CSMD1: variants seen among roughly 807,000 people sequenced by gnomAD.
The protein encoded by CSMD1 is CUB and Sushi multiple domains 1, also known as CUB and sushi domain-containing protein 1.
CSMD1 carries 213 observed loss-of-function variants against 417.5 expected under a neutral mutation model. The observed-to-expected ratio is 0.51, with a 90% CI of 0.46 to 0.57. The LOEUF (loss-of-function observed/expected upper bound fraction) is 0.57, where lower values mean the gene tolerates loss of function less well. Ranked by LOEUF, CSMD1 falls within the 20% of genes least tolerant of loss-of-function variation. The pLI, the probability that CSMD1 is intolerant of heterozygous loss-of-function variation, is 0.00. For missense variants in CSMD1, 6,923 were observed against 4,529.7 expected (o/e 1.53, Z -15.17); for synonymous variants, 2,862 against 1,736.8 (o/e 1.65, Z -16.11).
rs190230433 is a variant in CSMD1, at chr8:3,517,304, G to C, written c.1345-23578C>G. ...AGAGAACAAAAGATGGAAAGAAGAG[G>C]GCTGGCAGAGAACAGGCAATCCAAG... On this transcript the variant is annotated intron_variant, in intron 10 of 69. Coordinates refer to ENST00000635120, the MANE Select transcript of CSMD1 (RefSeq NM_033225.6). 4.1e-3 allele frequency among the ~76,000 whole-genome samples: 618 copies of C among 152,254 alleles called. 4 individuals carry two copies. Among genetic ancestry groups the C allele is most frequent in the Middle Eastern group, 0.024 (7 of 294 alleles).
chr8:3,071,039 C>T (rs1224998194), intron 49 of CSMD1, among the ~76,000 whole-genome samples: 1 of 152,186 alleles, frequency 6.6e-6, no homozygotes, highest in East Asian at 1.9e-4. Flanking sequence ...CCATGTCACA[C>T]TGTCACAGGG....
At chr8:4,009,397 T>G (rs1410846354) in intron 4 of CSMD1, among the ~76,000 whole-genome samples, 1 of 152,172 alleles carries the variant, frequency 6.6e-6, no homozygotes, top group Non-Finnish European at 1.5e-5. Context: ...ACTGCCATGT[T>G]TATCATAAAG....
intron 23 of CSMD1, among the ~76,000 whole-genome samples, chr8:3,325,215 T>A (rs1025554222): frequency 3.3e-5 from 5 of 152,224 alleles, no homozygotes; most frequent in Non-Finnish European, 7.3e-5. Context: ...CTCCAGGCTG[T>A]TTAACTTCCT....
chr8:4,253,317 C>T (rs1391435174), intron 3 of CSMD1, among the ~76,000 whole-genome samples: 2 of 152,144 alleles, frequency 1.3e-5, no homozygotes, highest in East Asian at 1.9e-4. Flanking sequence ...TGTTTTGTCT[C>T]TTTTTTCCCC....
chr8:4,828,684 T>G (rs1437565907), intron 1 of CSMD1, among the ~76,000 whole-genome samples: 1 of 152,102 alleles, frequency 6.6e-6, no homozygotes, highest in Non-Finnish European at 1.5e-5. Flanking sequence ...AGAGCCCAGG[T>G]GTGTAAAAGT....
chr8:4,650,149 T>C (rs531667143), intron 1 of CSMD1, among the ~76,000 whole-genome samples: 1 of 151,952 alleles, frequency 6.6e-6, no homozygotes, highest in East Asian at 1.9e-4. Context: ...ATCGAGACCA[T>C]CCTGGCTAAC....
chr8:3,600,986 G>T (rs1057243502), intron 8 of CSMD1, among the ~76,000 whole-genome samples: 9 of 152,224 alleles, frequency 5.9e-5, no homozygotes, highest in Admixed American at 2.0e-4. Context: ...ATTCCAAGGG[G>T]GTCTCTGTAC....
chr8:3,027,693 T>C (rs1810039935), intron 51 of CSMD1, among the ~76,000 whole-genome samples: 1 of 152,064 alleles, frequency 6.6e-6, no homozygotes, highest in Non-Finnish European at 1.5e-5. Context: ...CATGTGATGA[T>C]AAATGATGTG....
chr8:4,430,802 A>G (rs1299052743), intron 2 of CSMD1, among the ~76,000 whole-genome samples: 1 of 152,150 alleles, frequency 6.6e-6, no homozygotes, highest in African/African-American at 2.4e-5. Flanking sequence ...AAACAGTAAC[A>G]GCGTTTTTCC....
intron 5 of CSMD1, among the ~76,000 whole-genome samples, chr8:3,771,023 T>C (rs1798541045): frequency 6.6e-6 from 1 of 151,500 alleles, no homozygotes; most frequent in African/African-American, 2.4e-5. Context: ...TGTGTCTGTG[T>C]GTGTGTCTGC....
At chr8:4,289,116 A>G (rs1249309841) in intron 3 of CSMD1, among the ~76,000 whole-genome samples, 3 of 152,198 alleles carry the variant, frequency 2.0e-5, no homozygotes, top group African/African-American at 7.2e-5. Context: ...AAATTTTACA[A>G]AATGAATTAA....
intron 1 of CSMD1, among the ~76,000 whole-genome samples, chr8:4,977,930 A>C (rs1192869707): frequency 6.6e-6 from 1 of 152,122 alleles, no homozygotes; most frequent in Non-Finnish European, 1.5e-5. Flanking sequence ...AATACCCAAG[A>C]CCTCACAAGC....
chr8:4,084,925 C>A (rs940248145), intron 3 of CSMD1, among the ~76,000 whole-genome samples: 1 of 152,032 alleles, frequency 6.6e-6, no homozygotes, highest in African/African-American at 2.4e-5. Context: ...AACAAAACTA[C>A]AAAAATTGGT....
At chr8:3,558,111 G>A (rs1825181) in intron 10 of CSMD1, among the ~76,000 whole-genome samples, 60,732 of 143,676 alleles carry the variant, frequency 0.42, 11,457 homozygotes, top group African/African-American at 0.59. Context: ...ATGATGAATG[G>A]TGCCTCAATG....
chr8:3,452,524 G>T (rs2117112332), intron 12 of CSMD1, among the ~76,000 whole-genome samples: 1 of 152,286 alleles, frequency 6.6e-6, no homozygotes, highest in South Asian at 2.1e-4. Context: ...TTTTTAGCAT[G>T]AAGTGTTGTT....
At chr8:4,099,660 G>T (rs17068975) in intron 3 of CSMD1, among the ~76,000 whole-genome samples, 1 of 151,060 alleles carries the variant, frequency 6.6e-6, no homozygotes, top group Non-Finnish European at 1.5e-5. Context: ...AACCAATGCA[G>T]TCTGCTTATT....
At chr8:4,757,762 A>T (rs1585051345) in intron 1 of CSMD1, among the ~76,000 whole-genome samples, 1 of 151,940 alleles carries the variant, frequency 6.6e-6, no homozygotes, top group Non-Finnish European at 1.5e-5. Context: ...AGTTTGAGAC[A>T]AGCCTGGCCA....
chr8:4,126,348 A>G (rs1004412134), intron 3 of CSMD1, among the ~76,000 whole-genome samples: 3 of 152,208 alleles, frequency 2.0e-5, no homozygotes, highest in African/African-American at 7.2e-5. Flanking sequence ...AACCCACTGC[A>G]TGGTTACGAG....
rs187762380 is a variant in CSMD1, at chr8:3,524,254, T to C, written c.1345-30528A>G. 1.7e-4 allele frequency among the ~76,000 whole-genome samples: 22 copies of C among 128,898 alleles called. No homozygotes were observed. The East Asian group carries it at 3.8e-3, about 22-fold the overall frequency. 84.6% of individuals were successfully genotyped at this position (128,898 alleles called of 152,430 possible). ...ATACACACATACACACCCAGAGACA[T>C]ACACACAAGCACACACACACGCACA... On this transcript the variant is annotated intron_variant, in intron 10 of 69. Transcript: ENST00000635120.
Sources: gnomAD v4.1 joint callset for allele counts (sites outside exome capture counted in the v4.1 genomes callset) on GRCh38, gnomAD v4.1.1 for gene constraint, MANE v1.5 for transcripts, NCBI Gene and HGNC (gene_info 2026-07-23, HGNC 2026-07-21) for gene names.